The following ROS1 variants were observed in gnomAD, a reference collection of about 807,000 sequenced individuals.
ROS1 encodes the protein ROS proto-oncogene 1, receptor tyrosine kinase.
A neutral mutation model predicts 273.5 loss-of-function variants in ROS1; 263 were observed. That is an observed-to-expected ratio of 0.96 (90% CI 0.87 to 1.06). ROS1 has a LOEUF of 1.06. Ranked by LOEUF, ROS1 falls within the 50% of genes least tolerant of loss-of-function variation. ROS1 has a pLI of 0.00. For missense variants in ROS1, 2,833 were observed against 2,751.1 expected (o/e 1.03, Z -0.67); for synonymous variants, 1,008 against 954.1 (o/e 1.06, Z -1.04).
chr6:117,287,836 C>G lies in ROS1; in HGVS notation c.*656G>C, dbSNP rs1773544123. 6.6e-6 allele frequency among the ~76,000 whole-genome samples: 1 copy of G among 150,748 alleles called. No individual in the cohort carries two copies. On this transcript the variant is annotated 3_prime_UTR_variant, in exon 44 of 44. Transcript: ENST00000368507. The stretch of plus-strand genomic sequence containing the variant: ...TTAGGAGGCTGAGGCACGAGAATTG[C>G]TTGAACCCAGGAGGTGGAGTTTGCA...
At chr6:117,424,600 T>A (rs989597578) in intron 1 of ROS1, among the ~76,000 whole-genome samples, 3 of 152,056 alleles carry the variant, frequency 2.0e-5, no homozygotes, top group Non-Finnish European at 2.9e-5. Context: ...GGCAATGAAG[T>A]CTTCGGCAAA....
intron 27 of ROS1, among the ~76,000 whole-genome samples, chr6:117,344,526 A>T (rs1455114690): frequency 6.6e-6 from 1 of 152,112 alleles, no homozygotes; most frequent in Non-Finnish European, 1.5e-5. Context: ...CTTCAAGTTC[A>T]TATATATCTG....
At chr6:117,387,091 T>C (rs763532843) in intron 14 of ROS1, 92 bp from the exon 15 acceptor site, 6 of 555,360 alleles carry the variant, frequency 1.1e-5, no homozygotes, top group African/African-American at 1.9e-5. Context: ...TTATATCTTA[T>C]GATTTTCTAT....
rs781116397 is a variant in ROS1 at position 117,394,192 on chromosome 6, A to C, written c.1161T>G (p.Tyr387Ter). ...CATCCATGATGAAATACATTCTTTG[A>C]TAAAGCCAATCTATGGAGATAGAAG... ...LISSISIDWL[Y>*]QRMYFIMDEL... Residue 387 changes from tyrosine to a stop codon, truncating the protein, a stop_gained, in exon 11 of 44, where the codon TAT becomes TAG. Coordinates refer to ENST00000368507, the MANE Select transcript of ROS1 (RefSeq NM_001378902.1). LOFTEE classifies it high-confidence loss of function. 8.8e-6 allele frequency: 14 copies of C among 1,596,036 alleles called. No homozygotes were observed. Among genetic ancestry groups the C allele is most frequent in the Non-Finnish European group, 8.5e-7 (1 of 1,172,894 alleles).
Position 117,308,879 on chromosome 6 carries a change from A to G in ROS1, c.6466T>C (p.Tyr2156His), listed in dbSNP as rs748058744. ...WEILTLGHQP[Y>H]PAHSNLDVLN... ...ACATCAAGGTTGGAATGAGCTGGATAAGGCTGATGACCAAGAGTTAAAATC... is the reference window on the plus strand; with the variant it reads ...ACATCAAGGTTGGAATGAGCTGGATGAGGCTGATGACCAAGAGTTAAAATC... Residue 2156 changes from tyrosine to histidine, a missense_variant, in exon 42 of 44, where the codon TAT (tyrosine) becomes CAT (histidine). By Grantham distance (83) the Tyr-to-His change is moderately conservative (BLOSUM62 2). Coordinates refer to ENST00000368507, the MANE Select transcript of ROS1 (RefSeq NM_001378902.1). 1.9e-6 allele frequency: 3 copies of G among 1,613,382 alleles called. No individual in the cohort carries two copies. Among genetic ancestry groups the G allele is most frequent in the Non-Finnish European group, 2.5e-6 (3 of 1,179,540 alleles).
chr6:117,377,714 C>T (rs1021596710), intron 18 of ROS1, among the ~76,000 whole-genome samples: 1 of 151,684 alleles, frequency 6.6e-6, no homozygotes, highest in East Asian at 1.9e-4. Flanking sequence ...TGGACTTAAT[C>T]GAAATGAAAT....
chr6:117,416,542 G>A (rs1272531747), intron 2 of ROS1, among the ~76,000 whole-genome samples: 1 of 152,182 alleles, frequency 6.6e-6, no homozygotes, highest in East Asian at 1.9e-4. Flanking sequence ...GGGCAGCAGA[G>A]TTGCTGAGTG....
At position 117,345,038 on chromosome 6, in the gene ROS1, T is replaced by G. The variant is rs191771694; in HGVS notation, c.4304-776A>C. The stretch of plus-strand genomic sequence containing the variant: ...GTAGCATAATTACATAATATGCAAA[T>G]AACTCCAAATATGATTTTAATATGA... On this transcript the variant is annotated intron_variant, in intron 27 of 43. Coordinates refer to ENST00000368507, the MANE Select transcript of ROS1 (RefSeq NM_001378902.1). 3.2e-3 allele frequency among the ~76,000 whole-genome samples: 486 copies of G among 152,330 alleles called. 2 individuals are homozygous for G. The highest frequency in any genetic ancestry group is 0.011 in the African/African-American group (462 of 41,562).
intron 32 of ROS1, among the ~76,000 whole-genome samples, chr6:117,336,233 T>C (rs1014024690): frequency 6.6e-6 from 1 of 152,102 alleles, no homozygotes; most frequent in Non-Finnish European, 1.5e-5. Context: ...GGTAAACATG[T>C]CCCATGGTGG....
chr6:117,390,738 C>A (rs9401002), intron 12 of ROS1, among the ~76,000 whole-genome samples: 1 of 152,016 alleles, frequency 6.6e-6, no homozygotes, highest in African/African-American at 2.4e-5. Context: ...AGAAATACCC[C>A]ACACATGACT....
intron 13 of ROS1, among the ~76,000 whole-genome samples, chr6:117,388,748 T>C (rs1031079464): frequency 1.4e-4 from 21 of 152,224 alleles, no homozygotes; most frequent in African/African-American, 5.1e-4. Flanking sequence ...TGCTAGATAC[T>C]GTTCTAAGTG....
chr6:117,290,294 T>C (rs1773745396), intron 43 of ROS1, among the ~76,000 whole-genome samples: 1 of 152,224 alleles, frequency 6.6e-6, no homozygotes, highest in Admixed American at 6.5e-5. Context: ...ATTAGCTAAC[T>C]ACTTTATTGG....
rs376810091 is a variant in ROS1 at position 117,403,227 on chromosome 6, C to T, written c.516G>A (p.Glu172=). Reference sequence around the variant, plus strand: ...AGATCCAAACCACTCGGAAAATGTACTCAGTGAAGGGGTGCAGGGGCTTGA... The same window carrying T: ...AGATCCAAACCACTCGGAAAATGTATTCAGTGAAGGGGTGCAGGGGCTTGA... ...YVVKPLHPFT[E]YIFRVVWIFT... The change falls in exon 7 of 44, where the codon GAG becomes GAA. Residue 172 remains glutamate, a synonymous_variant. Coordinates refer to ENST00000368507, the MANE Select transcript of ROS1 (RefSeq NM_001378902.1). 3 of 1,612,232 alleles carry T rather than the reference C, an allele frequency of 1.9e-6. No individual in the cohort carries two copies. Among genetic ancestry groups the T allele is most frequent in the Non-Finnish European group, 2.5e-6 (3 of 1,179,618 alleles).
intron 36 of ROS1, among the ~76,000 whole-genome samples, chr6:117,320,664 G>C (rs1375353168): frequency 6.6e-6 from 1 of 152,122 alleles, no homozygotes; most frequent in Admixed American, 6.6e-5. Context: ...GATCACCTTT[G>C]TGTCTACTTC....
chr6:117,417,341 C>G (rs13202713), intron 2 of ROS1, among the ~76,000 whole-genome samples: 2 of 152,144 alleles, frequency 1.3e-5, no homozygotes, highest in Admixed American at 1.3e-4. Context: ...ACTCTCCCCT[C>G]TCATGGAAAA....
chr6:117,379,530 G>A (rs1410142124), intron 17 of ROS1, among the ~76,000 whole-genome samples: 1 of 152,144 alleles, frequency 6.6e-6, no homozygotes, highest in Non-Finnish European at 1.5e-5. Context: ...TTGAGCCTGT[G>A]TCAAGCTTGC....
At chr6:117,310,411 T>C in intron 40 of ROS1, 130 bp from the exon 41 acceptor site, 1 of 625,568 alleles carries the variant, frequency 1.6e-6, no homozygotes, top group Non-Finnish European at 2.6e-6. Context: ...AGTTCTGGAT[T>C]ACATGTGCTG....
Position 117,394,348 on chromosome 6 carries a change from T to C in ROS1, c.1007-2A>G. The stretch of plus-strand genomic sequence containing the variant: ...GCTGGTGGACATCAACAGATATTCC[T>C]AGAAGAGCCATGCAAGTGCACACAC... On this transcript the variant is annotated splice_acceptor_variant, in intron 10 of 43. Coordinates refer to ENST00000368507, the MANE Select transcript of ROS1 (RefSeq NM_001378902.1). LOFTEE classifies it high-confidence loss of function. 6.3e-7 allele frequency: 1 copy of C among 1,592,536 alleles called. No homozygotes were observed. The highest frequency in any genetic ancestry group is 8.5e-7 in the Non-Finnish European group (1 of 1,175,160).
At chr6:117,404,510 C>T (rs1344839707) in intron 5 of ROS1, 82 bp from the exon 6 acceptor site, 4 of 1,271,050 alleles carry the variant, frequency 3.1e-6, no homozygotes, top group Admixed American at 2.4e-5. Context: ...ATCTAGGGCT[C>T]TCCGTATTCT....
Sources: allele counts gnomAD v4.1 joint callset (sites outside exome capture counted in the v4.1 genomes callset), GRCh38; gene constraint gnomAD v4.1.1; transcripts MANE v1.5; gene names NCBI Gene and HGNC (gene_info 2026-07-23, HGNC 2026-07-21).